The following PSTPIP2 variants were observed in gnomAD, a reference collection of about 807,000 sequenced individuals.
PSTPIP2 encodes proline-serine-threonine phosphatase interacting protein 2, also known as proline-serine-threonine phosphatase-interacting protein 2.
Under a neutral mutation model 63.3 loss-of-function variants are expected in PSTPIP2, and 33 were observed. That is an observed-to-expected ratio of 0.52 (90% CI 0.40 to 0.70). The LOEUF (loss-of-function observed/expected upper bound fraction) is 0.70, where lower values mean the gene tolerates loss of function less well. Ranked by LOEUF, PSTPIP2 falls within the 30% of genes least tolerant of loss-of-function variation. The pLI is 0.00. For missense variants in PSTPIP2, 312 were observed against 400.7 expected (o/e 0.78, Z 1.89); for synonymous variants, 125 against 132.7 (o/e 0.94, Z 0.40).
At chr18:46,027,092 G>A (rs369591539) in intron 2 of PSTPIP2, among the ~76,000 whole-genome samples, 2 of 151,698 alleles carry the variant, frequency 1.3e-5, no homozygotes, top group African/African-American at 2.4e-5. Flanking sequence ...TCAAGAGTTC[G>A]AGACCAGCGT....
At chr18:46,005,587 C>A in intron 5 of PSTPIP2, 56 bp from the exon 6 acceptor site, 1 of 1,303,002 alleles carries the variant, frequency 7.7e-7, no homozygotes, top group Non-Finnish European at 1.1e-6. Flanking sequence ...TTAATAAAAA[C>A]AGAAATCATT....
intron 1 of PSTPIP2, among the ~76,000 whole-genome samples, chr18:46,042,569 C>G (rs1568226949): frequency 2.0e-5 from 3 of 152,160 alleles, no homozygotes; most frequent in Non-Finnish European, 4.4e-5. Flanking sequence ...CCCAAAAAAT[C>G]TTATTATTCA....
chr18:45,986,253 T>C (rs567703575), intron 14 of PSTPIP2, among the ~76,000 whole-genome samples: 1 of 152,292 alleles, frequency 6.6e-6, no homozygotes, highest in South Asian at 2.1e-4. Context: ...TTTTCTGAAA[T>C]TGATGTATAT....
rs77218657 is a variant in PSTPIP2, at chr18:45,988,554, C to A, written c.*8+148G>T. On this transcript the variant is annotated intron_variant, in intron 14 of 14. Coordinates refer to ENST00000409746, the MANE Select transcript of PSTPIP2 (RefSeq NM_024430.4). The stretch of plus-strand genomic sequence containing the variant: ...CCAGCTGTGGGATCCACAGAGGTGT[C>A]CTGAAGGGACAGCATGCTGGCCAGT... 234 of 652,420 alleles carry A rather than the reference C, an allele frequency of 3.6e-4. 2 individuals carry two copies. The East Asian group carries it at 6.1e-3, about 17-fold the overall frequency. 40.4% of individuals were successfully genotyped at this position (652,420 alleles called of 1,614,324 possible). A position where few individuals can be genotyped will look rare whatever the true frequency, so the allele number is the denominator to read the frequency against.
intron 3 of PSTPIP2, 168 bp from the exon 4 acceptor site, chr18:46,016,105 A>T: frequency 1.5e-6 from 1 of 658,448 alleles, no homozygotes; most frequent in African/African-American, 1.8e-5. Flanking sequence ...TCTTAAGTCC[A>T]GTTTCCTCAA....
At chr18:46,029,692 G>C in intron 2 of PSTPIP2, 1 of 696,828 alleles carries the variant, frequency 1.4e-6, no homozygotes. Context: ...AATGAAAGAA[G>C]CAGTCATTGG....
intron 1 of PSTPIP2, 26 bp downstream of exon 1, chr18:46,072,130 G>A (rs775827822): frequency 8.2e-5 from 126 of 1,527,528 alleles, no homozygotes; most frequent in Non-Finnish European, 1.0e-4. Flanking sequence ...TGAGCCCCGC[G>A]ATCCGCTGTC....
intron 1 of PSTPIP2, among the ~76,000 whole-genome samples, chr18:46,049,709 G>A (rs995087007): frequency 9.9e-5 from 15 of 152,044 alleles, no homozygotes; most frequent in Admixed American, 3.9e-4. Flanking sequence ...GCGAAACCCC[G>A]TCTCTGCTAA....
chr18:45,990,404 T>C (rs1046681963), intron 13 of PSTPIP2, among the ~76,000 whole-genome samples: 8 of 151,990 alleles, frequency 5.3e-5, no homozygotes, highest in African/African-American at 2.4e-5. Flanking sequence ...TATAAGAATT[T>C]CGTGGGTTTT....
rs1254286015 is a variant in PSTPIP2 at position 45,997,802 on chromosome 18, T to A, written c.589A>T (p.Thr197Ser). 1.3e-6 allele frequency: 2 copies of A among 1,533,568 alleles called. No individual in the cohort carries two copies. The highest frequency in any genetic ancestry group is 3.6e-5 in the Admixed American group (2 of 55,336). The allele number at this position is 1,533,568 out of a possible 1,614,324, so 95.0% of individuals were successfully genotyped here. A position where few individuals can be genotyped will look rare whatever the true frequency, so the allele number is the denominator to read the frequency against. ...CACTCTTCTCGGACCTTATCCAGGG[T>A]GCCGATGTGCAGCATGTATGCTTTG... ...SDKAYMLHIG[T>S]LDKVREEWQS... The change falls in exon 9 of 15, where the codon ACC (threonine) becomes TCC (serine). Residue 197 changes from threonine (T) to serine (S), a missense_variant. Physicochemically the swap from Thr to Ser is moderately conservative, Grantham distance 58. Coordinates refer to ENST00000409746, the MANE Select transcript of PSTPIP2 (RefSeq NM_024430.4).
Position 46,072,248 on chromosome 18 carries a change from C to T in PSTPIP2, c.-60G>A. The T allele has an allele frequency of 6.6e-7, 1 of 1,514,416 alleles. No individual in the cohort carries two copies. The highest frequency in any genetic ancestry group is 8.9e-7 in the Non-Finnish European group (1 of 1,129,306). The allele number at this position is 1,514,416 out of a possible 1,614,324, so 93.8% of individuals were successfully genotyped here. A position where few individuals can be genotyped will look rare whatever the true frequency, so the allele number is the denominator to read the frequency against. On this transcript the variant is annotated 5_prime_UTR_variant, in exon 1 of 15. Coordinates refer to ENST00000409746, the MANE Select transcript of PSTPIP2 (RefSeq NM_024430.4). ...CCGCAGGTAGCACAGAGCGGGGAGG[C>T]CTGACTGCCACTGCCCGCGGCTCCG...
chr18:46,027,964 C>T (rs1216214383), intron 2 of PSTPIP2, among the ~76,000 whole-genome samples: 1 of 152,124 alleles, frequency 6.6e-6, no homozygotes, highest in Admixed American at 6.5e-5. Context: ...AGTTTGAGAC[C>T]AGTCTGGCCA....
intron 2 of PSTPIP2, chr18:46,029,356 G>T: frequency 6.4e-7 from 1 of 1,559,618 alleles, no homozygotes; most frequent in Non-Finnish European, 8.8e-7. Flanking sequence ...ATTAATGGAA[G>T]GGTTGCAGCA....
At position 46,027,171 on chromosome 18, in the gene PSTPIP2, T is replaced by C. The variant is rs1394179074; in HGVS notation, c.135-2485A>G. 2.0e-5 allele frequency among the ~76,000 whole-genome samples: 3 copies of C among 151,968 alleles called. No homozygotes were observed. The East Asian group carries it at 5.8e-4, about 29-fold the overall frequency. On this transcript the variant is annotated intron_variant, in intron 2 of 14. Coordinates refer to ENST00000409746, the MANE Select transcript of PSTPIP2 (RefSeq NM_024430.4). ...TTAGCCAGGCATGGTGGCGCATGCC[T>C]GCAATCCCAGCTACTTGGGAGGCTG...
intron 1 of PSTPIP2, among the ~76,000 whole-genome samples, chr18:46,068,505 A>G (rs1051227035): frequency 6.6e-6 from 1 of 151,840 alleles, no homozygotes; most frequent in Non-Finnish European, 1.5e-5. Flanking sequence ...TCACTGTGTT[A>G]GCCGAGATGG....
chr18:46,025,270 C>T (rs1907535503), intron 2 of PSTPIP2, among the ~76,000 whole-genome samples: 1 of 152,110 alleles, frequency 6.6e-6, no homozygotes, highest in Admixed American at 6.6e-5. Flanking sequence ...GATTTAGGCT[C>T]ATCTACCCTA....
At chr18:45,991,163 G>C (rs7238164) in intron 12 of PSTPIP2, among the ~76,000 whole-genome samples, 1 of 152,052 alleles carries the variant, frequency 6.6e-6, no homozygotes, top group Non-Finnish European at 1.5e-5. Flanking sequence ...TGCCTGACAC[G>C]CTTAAATACT....
At chr18:46,056,631 G>A (rs562273767) in intron 1 of PSTPIP2, among the ~76,000 whole-genome samples, 51 of 152,198 alleles carry the variant, frequency 3.4e-4, no homozygotes, top group Non-Finnish European at 6.8e-4. Context: ...GGGGGCTGAG[G>A]CAGGAGGCTC....
At chr18:45,986,829 A>G (rs1402388052) in intron 14 of PSTPIP2, among the ~76,000 whole-genome samples, 1 of 152,208 alleles carries the variant, frequency 6.6e-6, no homozygotes, top group Non-Finnish European at 1.5e-5. Context: ...ATGTTTAAAT[A>G]TAATAGAAAC....
Sources: gnomAD v4.1 joint callset for allele counts (sites outside exome capture counted in the v4.1 genomes callset) on GRCh38, gnomAD v4.1.1 for gene constraint, MANE v1.5 for transcripts, NCBI Gene and HGNC (gene_info 2026-07-23, HGNC 2026-07-21) for gene names.